Variants in HYPK observed in about 807,000 individuals in gnomAD.
HYPK encodes the protein huntingtin-interacting protein K.
A neutral mutation model predicts 13.9 loss-of-function variants in HYPK; 9 were observed. That is an observed-to-expected ratio of 0.65 (90% CI 0.39 to 1.13). The LOEUF (loss-of-function observed/expected upper bound fraction) is 1.13, where lower values mean the gene tolerates loss of function less well. Among genes scored for constraint, HYPK ranks in the 50% most tolerant of loss-of-function variants. The pLI is 0.01. For missense variants in HYPK, 138 were observed against 157.6 expected (o/e 0.88, Z 0.67); for synonymous variants, 76 against 57.0 (o/e 1.33, Z -1.50).
At position 43,803,936 on chromosome 15, in the gene HYPK, C is replaced by T. The variant is rs549764924; in HGVS notation, c.*2130C>T. 4.0e-5 allele frequency among the ~76,000 whole-genome samples: 6 copies of T among 151,676 alleles called. No individual in the cohort carries two copies. Among genetic ancestry groups the T allele is most frequent in the Non-Finnish European group, 5.9e-5 (4 of 67,936 alleles). On this transcript the variant is annotated 3_prime_UTR_variant, in exon 4 of 4. Transcript: ENST00000442995. ...TTGGGAGGCTGAGGCGGGCGGATCG[C>T]GAAGTGAAGATCAAGACCATCCTGG...
At position 43,802,787 on chromosome 15, in the gene HYPK, G is replaced by C. The variant is rs2087333454; in HGVS notation, c.*981G>C. The C allele has an allele frequency of 6.6e-6, 1 of 152,196 alleles. No individual in the cohort carries two copies. Among genetic ancestry groups the C allele is most frequent in the African/African-American group, 2.4e-5 (1 of 41,356 alleles). 9.4% of individuals were successfully genotyped at this position (152,196 alleles called of 1,614,324 possible). On this transcript the variant is annotated 3_prime_UTR_variant, in exon 4 of 4. Transcript: ENST00000442995. ...CCCAGCTACTCAGGAGGCTGAAGCA[G>C]AAGAATTGCTTGAACCAGGGAGGCG...
At chr15:43,801,052 G>T in intron 1 of HYPK, 80 bp from the exon 2 acceptor site, 1 of 1,271,614 alleles carries the variant, frequency 7.9e-7, no homozygotes, top group South Asian at 1.2e-5. Flanking sequence ...ATCCATGCAT[G>T]AACCGCTTGT....
chr15:43,802,196 G>T lies in HYPK; in HGVS notation c.*390G>T. The T allele has an allele frequency of 5.8e-6, 1 of 173,562 alleles. No homozygotes were observed. The highest frequency in any genetic ancestry group is 1.5e-4 in the East Asian group (1 of 6,616). The allele number at this position is 173,562 out of a possible 1,614,324, so 10.8% of individuals were successfully genotyped here. On this transcript the variant is annotated 3_prime_UTR_variant, in exon 4 of 4. Transcript: ENST00000442995. ...GCCACTATATATATAGATAGATGTAGGTTATGAACCCAGTTCATAGGCCAC... is the reference window on the plus strand; with the variant it reads ...GCCACTATATATATAGATAGATGTATGTTATGAACCCAGTTCATAGGCCAC...
In HYPK at chr15:43,800,776, C is replaced by G; in HGVS notation, c.154C>G (p.Leu52Val). ...GGAGAAGGAGATCCAGAGTTCCAAT[C>G]TGGAGACGGTAAGGTTGGCCAAGAG... is the stretch of plus-strand genomic sequence containing the variant. ...AEEKEIQSSNLETAMSVIGDR... is the reference protein window; with the variant it reads ...AEEKEIQSSNVETAMSVIGDR... Residue 52 changes from leucine to valine, a missense_variant, in exon 1 of 4, where the codon CTG becomes GTG. Physicochemically the swap from Leu to Val is conservative, Grantham distance 32. Coordinates refer to ENST00000442995, the MANE Select transcript of HYPK (RefSeq NM_016400.4). The G allele has an allele frequency of 6.2e-7, 1 of 1,609,946 alleles. No individual in the cohort carries two copies. The highest frequency in any genetic ancestry group is 8.5e-7 in the Non-Finnish European group (1 of 1,177,608).
intron 2 of HYPK, 70 bp downstream of exon 2, chr15:43,801,257 T>A: frequency 7.6e-7 from 1 of 1,309,766 alleles, no homozygotes; most frequent in Non-Finnish European, 1.1e-6. Flanking sequence ...ATAAAAACCA[T>A]TATTAAGCCT....
At position 43,802,981 on chromosome 15, in the gene HYPK, C is replaced by G. The variant is rs1490179174; in HGVS notation, c.*1175C>G. On this transcript the variant is annotated 3_prime_UTR_variant, in exon 4 of 4. Coordinates refer to ENST00000442995, the MANE Select transcript of HYPK (RefSeq NM_016400.4). ...AGGCAAGACGATCACTTGAGCCCAG[C>G]AGTTTGAGACCAGCTTGGGCAACAC... The G allele has an allele frequency of 6.6e-6, 1 of 151,076 alleles. No homozygotes were observed. The highest frequency in any genetic ancestry group is 2.4e-5 in the African/African-American group (1 of 40,962). The allele number at this position is 151,076 out of a possible 1,614,324, so 9.4% of individuals were successfully genotyped here.
chr15:43,800,551 C>G (rs991281947), upstream of HYPK: 12 of 1,598,608 alleles, frequency 7.5e-6, no homozygotes, highest in Admixed American at 1.0e-4. Context: ...GCCTCCTCCC[C>G]GGGCGGAAGC....
rs1596051952 is a variant in HYPK at position 43,801,790 on chromosome 15, T to C, written c.350T>C (p.Ile117Thr). 6.8e-6 allele frequency: 11 copies of C among 1,614,242 alleles called. No individual in the cohort carries two copies. The highest frequency in any genetic ancestry group is 1.1e-5 in the South Asian group (1 of 91,086). The change falls in exon 4 of 4, where the codon ATT becomes ACT. Residue 117 changes from isoleucine to threonine, a missense_variant. Physicochemically the swap from Ile to Thr is moderately conservative, Grantham distance 89 (BLOSUM62 -1). This residue lies in a region of HYPK where 91 missense variants were observed against 96.8 expected (regional missense o/e 0.94). Transcript: ENST00000442995. ...ATGGGCAACGTGGTAGAGGCGCTTA[T>C]TGCCCTAACCAACTGATGCGTGCTT... Reference protein sequence around the residue: ...EHMGNVVEALIALTN With the variant: ...EHMGNVVEALTALTN
rs770722705 is a variant in HYPK, at chr15:43,800,667, C to T, written c.45C>T (p.Thr15=). 2 of 1,614,072 alleles carry T rather than the reference C, an allele frequency of 1.2e-6. No homozygotes were observed. The highest frequency in any genetic ancestry group is 1.7e-5 in the Admixed American group (1 of 60,000). ...GDVELELETE[T]SGPERPPEKP... is the part of the protein sequence containing the mutation. ...TGGAGCTGGAGTTGGAGACTGAGACCAGTGGACCAGAGCGGCCTCCGGAGA... is the reference window on the plus strand; with the variant it reads ...TGGAGCTGGAGTTGGAGACTGAGACTAGTGGACCAGAGCGGCCTCCGGAGA... The change falls in exon 1 of 4, where the codon ACC becomes ACT. Residue 15 remains threonine (T), a synonymous_variant. Transcript: ENST00000442995.
chr15:43,802,569 CAAAA>C lies in HYPK; in HGVS notation c.*782_*785del, dbSNP rs34069133. ...TGGGGGAAAGAGTGAAACTCCATCT[CAAAA>C]AAAAAAAAAAAAAAAAAAGCCCGGG... On this transcript the variant is annotated 3_prime_UTR_variant, in exon 4 of 4. Transcript: ENST00000442995. 12 of 28,964 alleles carry C rather than the reference CAAAA, an allele frequency of 4.1e-4. No homozygotes were observed. The highest frequency in any genetic ancestry group is 5.3e-4 in the African/African-American group (3 of 5,650). The allele number at this position is 28,964 out of a possible 1,614,324, so 1.8% of individuals were successfully genotyped here.
chr15:43,801,390 TG>T, intron 2 of HYPK, 127 bp from the exon 3 acceptor site: 1 of 897,386 alleles, frequency 1.1e-6, no homozygotes, highest in Non-Finnish European at 1.7e-6. Flanking sequence ...GGAGTATTAG[TG>T]GGAGTTTTTA....
Position 43,801,121 on chromosome 15 carries a change from C to G in HYPK, c.163-11C>G, listed in dbSNP as rs375508596. 15 of 1,612,908 alleles carry G rather than the reference C, an allele frequency of 9.3e-6. No homozygotes were observed. The highest frequency in any genetic ancestry group is 1.2e-5 in the Non-Finnish European group (14 of 1,179,196). On this transcript the variant is annotated splice_polypyrimidine_tract_variant and intron_variant, in intron 1 of 3. Coordinates refer to ENST00000442995, the MANE Select transcript of HYPK (RefSeq NM_016400.4). ...GTAGCGGTGCAGTAACTAGACCTGCCTTTCCCATAGGCCATGTCTGTGATT... is the reference window on the plus strand; with the variant it reads ...GTAGCGGTGCAGTAACTAGACCTGCGTTTCCCATAGGCCATGTCTGTGATT...
intron 1 of HYPK, 79 bp downstream of exon 1, chr15:43,800,863 C>A: frequency 7.4e-7 from 1 of 1,353,920 alleles, no homozygotes; most frequent in Non-Finnish European, 1.0e-6. Flanking sequence ...GCCAGCGCTC[C>A]AAGACGGGGT....
upstream of HYPK, chr15:43,800,498 C>G: frequency 7.6e-7 from 1 of 1,308,628 alleles, no homozygotes; most frequent in Non-Finnish European, 1.1e-6. Flanking sequence ...CCTGAAGCTT[C>G]TAGAACTGGA....
chr15:43,803,788 CAA>C lies in HYPK; in HGVS notation c.*2001_*2002del, dbSNP rs35814039. Among the ~76,000 whole-genome samples the C allele has an allele frequency of 0.022, 2,273 of 102,294 alleles. 34 individuals carry two copies. Among genetic ancestry groups the C allele is most frequent in the East Asian group, 0.061 (225 of 3,666 alleles). 67.1% of individuals were successfully genotyped at this position (102,294 alleles called of 152,430 possible). ...GGGCAACAAGAGTGAAACTCCATCT[CAA>C]AAAAAAAAAAAAAAAAAATCAGCTT... On this transcript the variant is annotated 3_prime_UTR_variant, in exon 4 of 4. Coordinates refer to ENST00000442995, the MANE Select transcript of HYPK (RefSeq NM_016400.4).
chr15:43,801,628 T>C, intron 3 of HYPK, 59 bp downstream of exon 3: 1 of 1,607,948 alleles, frequency 6.2e-7, no homozygotes, highest in Non-Finnish European at 8.5e-7. Flanking sequence ...TTAATTTGGG[T>C]TGTTTCCTGA....
At chr15:43,800,459 G>A (rs1327733825), upstream of HYPK, 2 of 933,840 alleles carry the variant, frequency 2.1e-6, no homozygotes, top group Non-Finnish European at 3.4e-6. Flanking sequence ...AAACCCGAAA[G>A]GAAGTCTGAG....
At position 43,802,173 on chromosome 15, in the gene HYPK, C is replaced by A. The variant is rs1596052164; in HGVS notation, c.*367C>A. ...AAAGGCCAGCTACCTGCCTAGGAGC[C>A]ACTATATATATAGATAGATGTAGGT... On this transcript the variant is annotated 3_prime_UTR_variant, in exon 4 of 4. Transcript: ENST00000442995. 1 of 230,848 alleles carries A rather than the reference C, an allele frequency of 4.3e-6. No individual in the cohort carries two copies. The highest frequency in any genetic ancestry group is 9.7e-5 in the East Asian group (1 of 10,262). The allele number at this position is 230,848 out of a possible 1,614,324, so 14.3% of individuals were successfully genotyped here. A position where few individuals can be genotyped will look rare whatever the true frequency, so the allele number is the denominator to read the frequency against.
rs1487704889 is a variant in HYPK at position 43,803,341 on chromosome 15, T to G, written c.*1535T>G. 6.6e-6 allele frequency among the ~76,000 whole-genome samples: 1 copy of G among 151,908 alleles called. No homozygotes were observed. The highest frequency in any genetic ancestry group is 1.5e-5 in the Non-Finnish European group (1 of 67,984). On this transcript the variant is annotated 3_prime_UTR_variant, in exon 4 of 4. Transcript: ENST00000442995. ...CTGGGAGGTTGAGGCTGCAGTGAGC[T>G]GAGATTGTGCTACTGCACTCCAGCC... is the stretch of plus-strand genomic sequence containing the variant.
Sources: allele counts gnomAD v4.1 joint callset (sites outside exome capture counted in the v4.1 genomes callset), GRCh38; gene constraint gnomAD v4.1.1; regional missense constraint gnomAD v4.1.1; transcripts MANE v1.5; gene names NCBI Gene and HGNC (gene_info 2026-07-23, HGNC 2026-07-21).